Variants in LRRC4C observed in about 807,000 individuals in gnomAD.
LRRC4C encodes leucine rich repeat containing 4C.
A neutral mutation model predicts 33.6 loss-of-function variants in LRRC4C; 5 were observed. The ratio of observed to expected loss-of-function variants is 0.15; its 90% CI spans 0.08 to 0.31. The LOEUF is 0.31. LRRC4C is among the 10% of genes least tolerant of loss of function. LRRC4C has a pLI of 1.00. For missense variants in LRRC4C, 560 were observed against 796.7 expected (o/e 0.70, Z 3.58); for synonymous variants, 329 against 302.0 (o/e 1.09, Z -0.93).
intron 6 of LRRC4C, among the ~76,000 whole-genome samples, chr11:40,118,095 ATAT>A (rs1355075173): frequency 2.0e-5 from 3 of 148,628 alleles, no homozygotes; most frequent in African/African-American, 7.3e-5. Context: ...TTATAATGAA[ATAT>A]TAATTTCATT....
chr11:40,827,701 T>G lies in LRRC4C; in HGVS notation c.-407+105934A>C, dbSNP rs542043841. On this transcript the variant is annotated intron_variant, in intron 2 of 6. Transcript: ENST00000528697. ...ATTTTATTTATTTTCTCTTGATGAA[T>G]AATGAAATGAGTATGTTTGCGTGTG... 2.6e-5 allele frequency among the ~76,000 whole-genome samples: 4 copies of G among 151,108 alleles called. No individual in the cohort carries two copies. In the South Asian group the frequency reaches 8.4e-4, roughly 32 times the overall value.
chr11:41,371,931 C>A (rs1412830192), intron 1 of LRRC4C, among the ~76,000 whole-genome samples: 1 of 152,138 alleles, frequency 6.6e-6, no homozygotes, highest in Non-Finnish European at 1.5e-5. Context: ...GTCAGGAGAT[C>A]GAGACCATCC....
chr11:40,999,487 G>A (rs970442644), intron 1 of LRRC4C, among the ~76,000 whole-genome samples: 5 of 152,050 alleles, frequency 3.3e-5, no homozygotes, highest in Non-Finnish European at 7.4e-5. Flanking sequence ...ATATTAATAT[G>A]CAAAACCATT....
intron 1 of LRRC4C, among the ~76,000 whole-genome samples, chr11:40,971,119 G>A (rs565954424): frequency 6.6e-6 from 1 of 152,220 alleles, no homozygotes; most frequent in Non-Finnish European, 1.5e-5. Flanking sequence ...AAGAATTCAA[G>A]ATGGCTTCAG....
intron 2 of LRRC4C, among the ~76,000 whole-genome samples, chr11:40,715,346 C>A (rs775277516): frequency 6.6e-5 from 10 of 152,144 alleles, no homozygotes; most frequent in African/African-American, 2.4e-4. Flanking sequence ...CAATAAAATG[C>A]CATTTCAATT....
At chr11:41,168,977 G>A (rs1590820586) in intron 1 of LRRC4C, among the ~76,000 whole-genome samples, 1 of 152,144 alleles carries the variant, frequency 6.6e-6, no homozygotes, top group East Asian at 1.9e-4. Context: ...TCTTCGCAAG[G>A]AGATTGTGAA....
intron 1 of LRRC4C, among the ~76,000 whole-genome samples, chr11:41,333,561 T>G (rs1951360544): frequency 6.6e-6 from 1 of 152,172 alleles, no homozygotes; most frequent in Admixed American, 6.5e-5. Context: ...GAGTATGGAA[T>G]TATTCAAAAG....
chr11:41,210,646 G>A (rs955898758), intron 1 of LRRC4C, among the ~76,000 whole-genome samples: 3 of 152,006 alleles, frequency 2.0e-5, no homozygotes, highest in African/African-American at 7.2e-5. Context: ...TGAACATAAG[G>A]CTCTAAATCC....
intron 1 of LRRC4C, among the ~76,000 whole-genome samples, chr11:41,062,536 C>T (rs556024755): frequency 1.3e-5 from 2 of 152,154 alleles, no homozygotes; most frequent in South Asian, 4.2e-4. Context: ...AAATATCTAT[C>T]TAATTAAATC....
chr11:41,348,206 C>T (rs1346253988), intron 1 of LRRC4C, among the ~76,000 whole-genome samples: 1 of 152,154 alleles, frequency 6.6e-6, no homozygotes, highest in African/African-American at 2.4e-5. Flanking sequence ...TGAAGGCACA[C>T]CGTTTTCTCT....
intron 2 of LRRC4C, among the ~76,000 whole-genome samples, chr11:40,692,672 A>T (rs1304750734): frequency 1.3e-5 from 2 of 152,038 alleles, no homozygotes; most frequent in Non-Finnish European, 2.9e-5. Context: ...AGTTAGGCCA[A>T]TTTTTTGCAG....
chr11:40,142,046 G>A (rs1857402306), intron 5 of LRRC4C, among the ~76,000 whole-genome samples: 1 of 152,062 alleles, frequency 6.6e-6, no homozygotes, highest in South Asian at 2.1e-4. Flanking sequence ...ACTCTCGGAG[G>A]CCGAGGTGGG....
chr11:41,314,800 TA>T (rs983350802), intron 1 of LRRC4C, among the ~76,000 whole-genome samples: 30 of 147,728 alleles, frequency 2.0e-4, no homozygotes, highest in African/African-American at 4.5e-4. Context: ...AGTATAATAA[TA>T]AAAAAAAAAC....
chr11:40,592,780 A>T (rs989708956), intron 3 of LRRC4C, among the ~76,000 whole-genome samples: 2 of 152,164 alleles, frequency 1.3e-5, no homozygotes, highest in Non-Finnish European at 2.9e-5. Context: ...GCTGTGATCT[A>T]GTGAAAGGTA....
At chr11:40,614,335 G>T (rs934663809) in intron 3 of LRRC4C, among the ~76,000 whole-genome samples, 1 of 151,754 alleles carries the variant, frequency 6.6e-6, no homozygotes, top group Non-Finnish European at 1.5e-5. Context: ...TGTTATGAAC[G>T]TGGCTTCTTT....
chr11:40,338,176 T>G (rs1590361519), intron 3 of LRRC4C, among the ~76,000 whole-genome samples: 1 of 152,230 alleles, frequency 6.6e-6, no homozygotes, highest in Admixed American at 6.5e-5. Context: ...GATGTGGCTG[T>G]TTGGAAACGG....
At chr11:40,189,174 A>T (rs1257577383) in intron 5 of LRRC4C, among the ~76,000 whole-genome samples, 3 of 152,144 alleles carry the variant, frequency 2.0e-5, no homozygotes, top group Non-Finnish European at 4.4e-5. Flanking sequence ...TGATCTAGTA[A>T]ATATTTTAAA....
intron 1 of LRRC4C, among the ~76,000 whole-genome samples, chr11:41,448,556 T>C (rs1364983829): frequency 1.3e-5 from 2 of 152,082 alleles, no homozygotes; most frequent in African/African-American, 4.8e-5. Context: ...TCCATGTGCC[T>C]CCGCCTCCCA....
chr11:40,611,313 T>A (rs566112570), intron 3 of LRRC4C, among the ~76,000 whole-genome samples: 1 of 151,782 alleles, frequency 6.6e-6, no homozygotes. Flanking sequence ...ATACTGAATA[T>A]CCACAAAAGA....
Sources: allele counts gnomAD v4.1 joint callset (sites outside exome capture counted in the v4.1 genomes callset), GRCh38; gene constraint gnomAD v4.1.1; transcripts MANE v1.5; gene names NCBI Gene and HGNC (gene_info 2026-07-23, HGNC 2026-07-21).